PACRG: variants seen among roughly 807,000 people sequenced by gnomAD.
PACRG encodes the protein parkin coregulated.
A neutral mutation model predicts 29.7 loss-of-function variants in PACRG; 29 were observed. The ratio of observed to expected loss-of-function variants is 0.98; its 90% confidence interval spans 0.73 to 1.33. The LOEUF is 1.33. PACRG is among the 40% of genes most tolerant of loss of function. The pLI, the probability that PACRG is intolerant of heterozygous loss-of-function variation, is 0.00. For missense variants in PACRG, 279 were observed against 316.2 expected, an observed-to-expected ratio of 0.88 and a Z score of 0.89; for synonymous variants, 116 against 118.7, an observed-to-expected ratio of 0.98 and a Z score of 0.15.
chr6:162,935,339 G>A (rs966815181), intron 2 of PACRG, among the ~76,000 whole-genome samples: 6 of 149,212 alleles, frequency 4.0e-5, no homozygotes, highest in South Asian at 2.1e-4. Context: ...TTTTCACTTC[G>A]TGGTGTAGTG....
At chr6:162,948,521 A>T (rs1214820345) in intron 2 of PACRG, among the ~76,000 whole-genome samples, 2 of 152,146 alleles carry the variant, frequency 1.3e-5, no homozygotes, top group East Asian at 3.8e-4. Flanking sequence ...TAGGCAAAAA[A>T]CCAAAAATAG....
chr6:162,968,682 T>C (rs576187235), intron 2 of PACRG, among the ~76,000 whole-genome samples: 1 of 152,252 alleles, frequency 6.6e-6, no homozygotes, highest in African/African-American at 2.4e-5. Context: ...AATCAAATAA[T>C]AGAACATAGG....
chr6:163,268,686 T>C (rs1783628132), intron 4 of PACRG, among the ~76,000 whole-genome samples: 2 of 152,236 alleles, frequency 1.3e-5, no homozygotes, highest in Non-Finnish European at 2.9e-5. Context: ...ATTCTGAATC[T>C]TTCCAGGTCA....
chr6:163,019,396 C>G (rs1055676861), intron 2 of PACRG, among the ~76,000 whole-genome samples: 6 of 152,144 alleles, frequency 3.9e-5, no homozygotes, highest in African/African-American at 1.4e-4. Context: ...GCTGGATTTT[C>G]TCTTTCTTTT....
intron 2 of PACRG, among the ~76,000 whole-genome samples, chr6:162,834,080 G>C (rs1439148584): frequency 6.6e-6 from 1 of 152,108 alleles, no homozygotes; most frequent in African/African-American, 2.4e-5. Context: ...TGGACATAAT[G>C]AATTTCATAA....
chr6:162,751,204 C>T (rs1584237914), intron 1 of PACRG, among the ~76,000 whole-genome samples: 1 of 151,770 alleles, frequency 6.6e-6, no homozygotes, highest in East Asian at 1.9e-4. Flanking sequence ...TAACATCTAA[C>T]CATATTGGTA....
At chr6:162,890,303 A>G (rs1794660630) in intron 2 of PACRG, among the ~76,000 whole-genome samples, 1 of 152,168 alleles carries the variant, frequency 6.6e-6, no homozygotes, top group Non-Finnish European at 1.5e-5. Context: ...TAATCTAAGG[A>G]AGAAACCTTA....
intron 4 of PACRG, among the ~76,000 whole-genome samples, chr6:163,253,423 C>G (rs1562340629): frequency 1.3e-5 from 2 of 151,858 alleles, no homozygotes; most frequent in Non-Finnish European, 2.9e-5. Flanking sequence ...AATCCAAAGG[C>G]ATTTTAAAGT....
chr6:163,000,749 G>C (rs1342414340), intron 2 of PACRG, among the ~76,000 whole-genome samples: 1 of 152,172 alleles, frequency 6.6e-6, no homozygotes, highest in Non-Finnish European at 1.5e-5. Flanking sequence ...TCTGAGGCTT[G>C]ATATTGAACA....
At chr6:162,886,880 C>A (rs1409547676) in intron 2 of PACRG, among the ~76,000 whole-genome samples, 2 of 152,084 alleles carry the variant, frequency 1.3e-5, no homozygotes, top group Non-Finnish European at 2.9e-5. Context: ...GTTATCCATA[C>A]AATAATTATG....
chr6:163,128,935 T>C (rs1170709819), intron 4 of PACRG, among the ~76,000 whole-genome samples: 1 of 152,228 alleles, frequency 6.6e-6, no homozygotes, highest in East Asian at 1.9e-4. Flanking sequence ...CTCATCCATC[T>C]GTTTTTTTTG....
intron 4 of PACRG, among the ~76,000 whole-genome samples, chr6:163,176,996 A>T (rs1471522832): frequency 6.6e-6 from 1 of 152,150 alleles, no homozygotes; most frequent in Non-Finnish European, 1.5e-5. Flanking sequence ...GCCCTCCATA[A>T]GGAGTTTAGG....
At chr6:163,292,663 A>T (rs1784657326) in intron 4 of PACRG, among the ~76,000 whole-genome samples, 1 of 151,994 alleles carries the variant, frequency 6.6e-6, no homozygotes, top group African/African-American at 2.4e-5. Context: ...ACCTCAGGTG[A>T]TCCACCCTCC....
At chr6:162,767,898 C>T (rs189105780) in intron 1 of PACRG, among the ~76,000 whole-genome samples, 2 of 151,832 alleles carry the variant, frequency 1.3e-5, no homozygotes, top group Admixed American at 1.3e-4. Flanking sequence ...ATTTTTCAAA[C>T]AGTGTAGGAA....
At chr6:163,032,046 A>C (rs1562849152) in intron 2 of PACRG, among the ~76,000 whole-genome samples, 1 of 152,242 alleles carries the variant, frequency 6.6e-6, no homozygotes, top group Non-Finnish European at 1.5e-5. Context: ...TATGCAAATA[A>C]CTGTATTGCC....
upstream of PACRG, chr6:162,727,618 G>A (rs1313455765): frequency 2.6e-6 from 4 of 1,567,502 alleles, no homozygotes; most frequent in Admixed American, 1.8e-5. Context: ...ATACCGGGGC[G>A]TGGGGCGGCG....
chr6:163,044,661 CCT>C (rs1188794870), intron 2 of PACRG: 1 of 152,176 alleles, frequency 6.6e-6, no homozygotes, highest in Non-Finnish European at 1.5e-5. Context: ...AGACCACACT[CCT>C]CTCTCACAAA....
At chr6:162,867,990 G>A (rs1269302136) in intron 2 of PACRG, among the ~76,000 whole-genome samples, 1 of 152,200 alleles carries the variant, frequency 6.6e-6, no homozygotes, top group African/African-American at 2.4e-5. Flanking sequence ...AGAGAAGAAA[G>A]CTTAGCTTTG....
intron 2 of PACRG, among the ~76,000 whole-genome samples, chr6:163,024,587 A>AT (rs1282177732): frequency 3.3e-5 from 5 of 151,964 alleles, no homozygotes; most frequent in Admixed American, 6.6e-5. Context: ...TGAATTTTAG[A>AT]TTTTTTTTCT....
Sources: gnomAD v4.1 joint callset for allele counts (sites outside exome capture counted in the v4.1 genomes callset) on GRCh38, gnomAD v4.1.1 for gene constraint, MANE v1.5 for transcripts, NCBI Gene and HGNC (gene_info 2026-07-23, HGNC 2026-07-21) for gene names.